The following GALNTL6 variants were observed in gnomAD, a reference collection of about 807,000 sequenced individuals.
The protein encoded by GALNTL6 is polypeptide N-acetylgalactosaminyltransferase like 6, also known as polypeptide N-acetylgalactosaminyltransferase-like 6.
GALNTL6 carries 46 observed loss-of-function variants against 73.7 expected under a neutral mutation model. The observed-to-expected ratio is 0.62, with a 90% CI of 0.49 to 0.80. The LOEUF is 0.80. Ranked by LOEUF, GALNTL6 falls within the 30% of genes least tolerant of loss-of-function variation. GALNTL6 has a pLI of 0.00. For synonymous variants in GALNTL6, 259 were observed against 263.7 expected (o/e 0.98, Z 0.17); for missense variants, 604 against 755.0 (o/e 0.80, Z 2.34).
intron 2 of GALNTL6, among the ~76,000 whole-genome samples, chr4:172,223,386 G>A (rs1377362885): frequency 2.0e-5 from 3 of 151,674 alleles, no homozygotes; most frequent in Admixed American, 6.6e-5. Flanking sequence ...TGCATGTTCT[G>A]TAATTGAGTT....
At chr4:172,612,074 A>G (rs1036925013) in intron 5 of GALNTL6, among the ~76,000 whole-genome samples, 2 of 152,082 alleles carry the variant, frequency 1.3e-5, no homozygotes, top group African/African-American at 4.8e-5. Flanking sequence ...AAGGTATAGG[A>G]TAAATCATAA....
intron 5 of GALNTL6, among the ~76,000 whole-genome samples, chr4:172,391,539 T>A (rs1743664586): frequency 6.6e-6 from 1 of 152,094 alleles, no homozygotes; most frequent in East Asian, 1.9e-4. Context: ...TTAATTTCAT[T>A]CACAAGTGGA....
chr4:172,602,777 C>T (rs1738113907), intron 5 of GALNTL6, among the ~76,000 whole-genome samples: 1 of 152,108 alleles, frequency 6.6e-6, no homozygotes, highest in Non-Finnish European at 1.5e-5. Flanking sequence ...AATGCTTATA[C>T]ATTAATGTTT....
intron 5 of GALNTL6, among the ~76,000 whole-genome samples, chr4:172,433,945 T>A (rs867118899): frequency 6.6e-6 from 1 of 152,158 alleles, no homozygotes; most frequent in African/African-American, 2.4e-5. Flanking sequence ...TCACTGAGTT[T>A]ACATACTCAC....
At chr4:172,010,186 C>T (rs970821957) in intron 2 of GALNTL6, among the ~76,000 whole-genome samples, 1 of 152,018 alleles carries the variant, frequency 6.6e-6, no homozygotes, top group African/African-American at 2.4e-5. Flanking sequence ...ATTACAAAAG[C>T]AGTCAGATAT....
chr4:172,142,761 A>G (rs113670063), intron 2 of GALNTL6, among the ~76,000 whole-genome samples: 1,538 of 152,034 alleles, frequency 0.01, 26 homozygotes, highest in African/African-American at 0.035. Context: ...AACAAAATAA[A>G]GGTTACAATG....
At chr4:172,892,359 G>GTATAGTTGAT (rs1279152742) in intron 8 of GALNTL6, among the ~76,000 whole-genome samples, 1 of 152,136 alleles carries the variant, frequency 6.6e-6, no homozygotes, top group Non-Finnish European at 1.5e-5. Context: ...TGTATGTTGT[G>GTATAGTTGAT]TATAGTTGAT....
At chr4:172,769,533 T>C (rs980985025) in intron 5 of GALNTL6, among the ~76,000 whole-genome samples, 1 of 152,144 alleles carries the variant, frequency 6.6e-6, no homozygotes, top group African/African-American at 2.4e-5. Flanking sequence ...TGAGCTTAGT[T>C]TGTGACATTT....
intron 5 of GALNTL6, among the ~76,000 whole-genome samples, chr4:172,761,605 A>G (rs1738097661): frequency 6.6e-6 from 1 of 152,074 alleles, no homozygotes; most frequent in Non-Finnish European, 1.5e-5. Flanking sequence ...TATTCTAGTG[A>G]TAGTGAATGA....
chr4:172,370,812 T>A (rs1442883814), intron 5 of GALNTL6, among the ~76,000 whole-genome samples: 1 of 151,956 alleles, frequency 6.6e-6, no homozygotes, highest in African/African-American at 2.4e-5. Context: ...CCTCAGCGGT[T>A]ATGGAGAGTC....
chr4:171,890,204 T>C (rs1281897695), intron 2 of GALNTL6, among the ~76,000 whole-genome samples: 1 of 152,138 alleles, frequency 6.6e-6, no homozygotes, highest in African/African-American at 2.4e-5. Context: ...TTTCTCTATA[T>C]GTATATATCA....
chr4:172,199,392 T>C (rs143672563), intron 2 of GALNTL6, among the ~76,000 whole-genome samples: 1 of 152,354 alleles, frequency 6.6e-6, no homozygotes, highest in African/African-American at 2.4e-5. Context: ...TAACATGATA[T>C]TTTTGCAAAT....
At chr4:171,905,531 C>T (rs1210606809) in intron 2 of GALNTL6, among the ~76,000 whole-genome samples, 1 of 150,170 alleles carries the variant, frequency 6.7e-6, no homozygotes, top group Non-Finnish European at 1.5e-5. Flanking sequence ...TAGACTCCCA[C>T]ACATTAATAA....
chr4:172,644,486 T>C (rs1046370168), intron 5 of GALNTL6, among the ~76,000 whole-genome samples: 24 of 152,098 alleles, frequency 1.6e-4, no homozygotes, highest in African/African-American at 4.6e-4. Flanking sequence ...ATAAACAGAA[T>C]CATACTCTCT....
At chr4:172,690,011 A>G (rs186447944) in intron 5 of GALNTL6, among the ~76,000 whole-genome samples, 20 of 152,336 alleles carry the variant, frequency 1.3e-4, no homozygotes, top group Admixed American at 7.2e-4. Flanking sequence ...GTATATCCAT[A>G]AAGAATGTCA....
rs535369591 is a variant in GALNTL6 at position 172,675,050 on chromosome 4, G to A, written c.554-134311G>A. ...TCATTTGGAGGAAAAGCAGAACTCT[G>A]GCTTTTGAGTTTTCAGCATTCTTGC... On this transcript the variant is annotated intron_variant, in intron 5 of 12. Coordinates refer to ENST00000506823, the MANE Select transcript of GALNTL6 (RefSeq NM_001034845.3). Among the ~76,000 whole-genome samples the A allele has an allele frequency of 4.1e-4, 62 of 152,244 alleles. No individual in the cohort carries two copies. The Middle Eastern group carries it at 0.024, about 58-fold the overall frequency.
chr4:172,479,409 A>G (rs1733360752), intron 5 of GALNTL6, among the ~76,000 whole-genome samples: 1 of 152,198 alleles, frequency 6.6e-6, no homozygotes, highest in Non-Finnish European at 1.5e-5. Context: ...GAAATAATGT[A>G]TTTTGCAGCA....
intron 2 of GALNTL6, among the ~76,000 whole-genome samples, chr4:172,170,860 A>C (rs1233611394): frequency 6.6e-6 from 1 of 152,190 alleles, no homozygotes; most frequent in Admixed American, 6.5e-5. Context: ...ACATGCACTG[A>C]AAATGAGGCA....
intron 5 of GALNTL6, among the ~76,000 whole-genome samples, chr4:172,596,529 T>A (rs2111012927): frequency 6.6e-6 from 1 of 152,098 alleles, no homozygotes; most frequent in East Asian, 1.9e-4. Flanking sequence ...TTTTCTATCC[T>A]AGGAGTTGTT....
Sources: allele counts gnomAD v4.1 joint callset (sites outside exome capture counted in the v4.1 genomes callset), GRCh38; gene constraint gnomAD v4.1.1; transcripts MANE v1.5; gene names NCBI Gene and HGNC (gene_info 2026-07-23, HGNC 2026-07-21).